The following ANKRD6 variants were observed in gnomAD, a reference collection of about 807,000 sequenced individuals.
ANKRD6 encodes the protein ankyrin repeat domain-containing protein 6.
ANKRD6 carries 56 observed loss-of-function variants against 82.3 expected under a neutral mutation model. The observed-to-expected ratio is 0.68, with a 90% CI of 0.55 to 0.85. The LOEUF is 0.85. Ranked by LOEUF, ANKRD6 falls within the 40% of genes least tolerant of loss-of-function variation. The pLI is 0.00. For missense variants in ANKRD6, 852 were observed against 907.6 expected (o/e 0.94, Z 0.79); for synonymous variants, 347 against 352.1 (o/e 0.99, Z 0.16).
intron 1 of ANKRD6, among the ~76,000 whole-genome samples, chr6:89,489,158 G>A (rs941845228): frequency 6.6e-6 from 1 of 152,076 alleles, no homozygotes; most frequent in Non-Finnish European, 1.5e-5. Flanking sequence ...ACAGGGCTGG[G>A]CAGGAAATCA....
chr6:89,619,803 C>T (rs775677010), intron 9 of ANKRD6: 7 of 152,062 alleles, frequency 4.6e-5, no homozygotes, highest in African/African-American at 7.3e-5. Flanking sequence ...GCCTTAGGCC[C>T]GTAGTTGGAC....
At chr6:89,577,756 G>T (rs1334211483) in intron 2 of ANKRD6, among the ~76,000 whole-genome samples, 2 of 152,194 alleles carry the variant, frequency 1.3e-5, no homozygotes, top group Non-Finnish European at 2.9e-5. Flanking sequence ...GGTTGAGGCT[G>T]CAGTGAGCCA....
At chr6:89,464,424 C>G (rs772155291) in intron 1 of ANKRD6, among the ~76,000 whole-genome samples, 1 of 152,206 alleles carries the variant, frequency 6.6e-6, no homozygotes, top group African/African-American at 2.4e-5. Flanking sequence ...ATCCTTGCCT[C>G]CATACAGAAA....
chr6:89,450,782 G>A (rs572880398), intron 1 of ANKRD6, among the ~76,000 whole-genome samples: 21 of 152,096 alleles, frequency 1.4e-4, no homozygotes, highest in Non-Finnish European at 2.2e-4. Context: ...GGTTACAGGC[G>A]TGAGCCACTG....
chr6:89,565,641 C>T (rs1788347065), intron 1 of ANKRD6, among the ~76,000 whole-genome samples: 1 of 152,188 alleles, frequency 6.6e-6, no homozygotes, highest in Admixed American at 6.5e-5. Context: ...GGCTTTCCAG[C>T]CGTATCATGG....
At chr6:89,500,498 A>AT (rs1034849331) in intron 1 of ANKRD6, among the ~76,000 whole-genome samples, 2 of 152,326 alleles carry the variant, frequency 1.3e-5, no homozygotes, top group East Asian at 1.9e-4. Flanking sequence ...CATATGATAT[A>AT]TTTTTTAATA....
At chr6:89,614,348 T>A (rs1015458696) in intron 7 of ANKRD6, among the ~76,000 whole-genome samples, 26 of 151,946 alleles carry the variant, frequency 1.7e-4, no homozygotes, top group African/African-American at 6.3e-4. Context: ...CTACAAAAAA[T>A]TTTTTTAAAA....
In ANKRD6 at chr6:89,488,386, G is replaced by A. The variant is rs144508711; in HGVS notation, c.-144+55011G>A. 2.8e-3 allele frequency among the ~76,000 whole-genome samples: 431 copies of A among 152,276 alleles called. 1 individual carries two copies. The highest frequency in any genetic ancestry group is 5.2e-3 in the Non-Finnish European group (355 of 68,016). On this transcript the variant is annotated intron_variant, in intron 1 of 15. Coordinates refer to ENST00000339746, the MANE Select transcript of ANKRD6 (RefSeq NM_001242809.2). ...GATTGCTTGAGCCCCAGAGTTTGAGGCTGCAGTGGGCTGTGATTGTACCAC... is the reference window on the plus strand; with the variant it reads ...GATTGCTTGAGCCCCAGAGTTTGAGACTGCAGTGGGCTGTGATTGTACCAC...
intron 1 of ANKRD6, among the ~76,000 whole-genome samples, chr6:89,506,728 A>G (rs1449746386): frequency 6.6e-6 from 1 of 152,224 alleles, no homozygotes; most frequent in Non-Finnish European, 1.5e-5. Context: ...TGCCCAGAGA[A>G]GGCCTCTGCT....
chr6:89,475,064 C>G (rs1389655380), intron 1 of ANKRD6, among the ~76,000 whole-genome samples: 1 of 152,170 alleles, frequency 6.6e-6, no homozygotes, highest in East Asian at 1.9e-4. Flanking sequence ...TTTAGCTTAA[C>G]CTATATTCTT....
At chr6:89,551,334 T>C (rs1785818985) in intron 1 of ANKRD6, among the ~76,000 whole-genome samples, 1 of 152,226 alleles carries the variant, frequency 6.6e-6, no homozygotes, top group African/African-American at 2.4e-5. Flanking sequence ...CCTGCCTTTT[T>C]TTCTGTCACC....
At chr6:89,454,189 T>C (rs1773232632) in intron 1 of ANKRD6, among the ~76,000 whole-genome samples, 1 of 152,212 alleles carries the variant, frequency 6.6e-6, no homozygotes, top group Admixed American at 6.5e-5. Context: ...GTCAGTAATT[T>C]TTCTTTATGA....
chr6:89,548,523 T>C (rs1414498501), intron 1 of ANKRD6, among the ~76,000 whole-genome samples: 2 of 152,252 alleles, frequency 1.3e-5, no homozygotes, highest in African/African-American at 2.4e-5. Context: ...TCATATGTGT[T>C]CTGTTCACTT....
At chr6:89,450,310 C>G (rs528038129) in intron 1 of ANKRD6, among the ~76,000 whole-genome samples, 23 of 136,798 alleles carry the variant, frequency 1.7e-4, no homozygotes, top group Non-Finnish European at 3.3e-4. Context: ...GACTCCATCT[C>G]AAAAAAAAAA....
At position 89,477,432 on chromosome 6, in the gene ANKRD6, G is replaced by A. The variant is rs184792234; in HGVS notation, c.-144+44057G>A. ...TACACCATCATTGTTTCTTAATTAGGGGGTGGTCATGGACCTTTTTAAAAA... is the reference window on the plus strand; with the variant it reads ...TACACCATCATTGTTTCTTAATTAGAGGGTGGTCATGGACCTTTTTAAAAA... On this transcript the variant is annotated intron_variant, in intron 1 of 15. Coordinates refer to ENST00000339746, the MANE Select transcript of ANKRD6 (RefSeq NM_001242809.2). Among the ~76,000 whole-genome samples the A allele has an allele frequency of 1.4e-3, 215 of 151,876 alleles. 1 individual carries two copies. Among genetic ancestry groups the A allele is most frequent in the African/African-American group, 4.9e-3 (204 of 41,438 alleles).
chr6:89,491,833 C>A (rs995182650), intron 1 of ANKRD6, among the ~76,000 whole-genome samples: 6 of 151,802 alleles, frequency 4.0e-5, no homozygotes, highest in Non-Finnish European at 5.9e-5. Flanking sequence ...CTCCTTATAC[C>A]TGGAGGAAAA....
rs555967619 is a variant in ANKRD6, at chr6:89,585,787, A to G, written c.121-10129A>G. The stretch of plus-strand genomic sequence containing the variant: ...ACCGAGCTTGATGATGTGTGCCTGT[A>G]GTCCCAGCTACTCAGGAGGCTGAGG... On this transcript the variant is annotated intron_variant, in intron 2 of 15. Transcript: ENST00000339746. Among the ~76,000 whole-genome samples, 11 of 152,344 alleles carry G rather than the reference A, an allele frequency of 7.2e-5. No individual in the cohort carries two copies. In the South Asian group the frequency reaches 2.3e-3, roughly 32 times the overall value.
chr6:89,444,620 G>A (rs1771831419), intron 1 of ANKRD6, among the ~76,000 whole-genome samples: 1 of 152,166 alleles, frequency 6.6e-6, no homozygotes, highest in African/African-American at 2.4e-5. Flanking sequence ...TTCCTGTTGG[G>A]ATATATCTAG....
chr6:89,624,509 G>A (rs1190433888), intron 12 of ANKRD6, 30 bp from the exon 13 acceptor site: 1 of 1,550,674 alleles, frequency 6.4e-7, no homozygotes, highest in South Asian at 1.2e-5. Flanking sequence ...AATGAACAAG[G>A]GATTGATTCC....
Sources: allele counts gnomAD v4.1 joint callset (sites outside exome capture counted in the v4.1 genomes callset), GRCh38; gene constraint gnomAD v4.1.1; transcripts MANE v1.5; gene names NCBI Gene and HGNC (gene_info 2026-07-23, HGNC 2026-07-21).